The following SOX5 variants were observed in gnomAD, a reference collection of about 807,000 sequenced individuals.
SOX5 encodes the protein transcription factor SOX-5.
In SOX5, 9 loss-of-function variants were observed where a neutral mutation model predicts 92.0. That is an observed-to-expected ratio of 0.10 (90% CI 0.06 to 0.17). The LOEUF (loss-of-function observed/expected upper bound fraction) is 0.17, where lower values mean the gene tolerates loss of function less well. Among genes scored for constraint, SOX5 ranks in the 10% least tolerant of loss-of-function variants. The pLI is 1.00. For missense variants in SOX5, 642 were observed against 944.5 expected (o/e 0.68, Z 4.20); for synonymous variants, 344 against 336.3 (o/e 1.02, Z -0.25).
intron 1 of SOX5, among the ~76,000 whole-genome samples, chr12:24,556,159 G>A (rs546006101): frequency 4.0e-4 from 61 of 152,186 alleles, no homozygotes; most frequent in African/African-American, 1.1e-3. Flanking sequence ...AGGCTCTCCC[G>A]GCCTTGTCCT....
At chr12:24,469,630 A>G (rs985643135) in intron 1 of SOX5, among the ~76,000 whole-genome samples, 1 of 152,228 alleles carries the variant, frequency 6.6e-6, no homozygotes, top group African/African-American at 2.4e-5. Flanking sequence ...CAAAACAAAA[A>G]TCCCCAGATA....
chr12:24,454,948 T>G (rs1308844227), intron 1 of SOX5, among the ~76,000 whole-genome samples: 3 of 152,046 alleles, frequency 2.0e-5, no homozygotes, highest in African/African-American at 7.3e-5. Context: ...GAAAAAAAGA[T>G]GATTATATGC....
intron 5 of SOX5, among the ~76,000 whole-genome samples, chr12:23,736,799 A>G (rs1487419904): frequency 6.7e-6 from 1 of 149,390 alleles, no homozygotes; most frequent in African/African-American, 2.5e-5. Context: ...CAAATGATTC[A>G]TCTGCCTCAG....
At chr12:24,018,779 CAGAGTA>C (rs1290479110) in intron 4 of SOX5, among the ~76,000 whole-genome samples, 1 of 151,968 alleles carries the variant, frequency 6.6e-6, no homozygotes, top group African/African-American at 2.4e-5. Flanking sequence ...GCCTGGGCAA[CAGAGTA>C]AGACTCTGTC....
At chr12:23,834,583 G>A (rs2096383356) in intron 3 of SOX5, among the ~76,000 whole-genome samples, 1 of 151,838 alleles carries the variant, frequency 6.6e-6, no homozygotes, top group African/African-American at 2.4e-5. Flanking sequence ...GGCAGCAAGA[G>A]GGCAACACTG....
At chr12:24,460,351 G>A (rs1354076049) in intron 1 of SOX5, among the ~76,000 whole-genome samples, 1 of 152,172 alleles carries the variant, frequency 6.6e-6, no homozygotes, top group Non-Finnish European at 1.5e-5. Flanking sequence ...ATGTCCAATT[G>A]AATATGATAG....
At chr12:23,747,753 C>T (rs181957648) in intron 4 of SOX5, among the ~76,000 whole-genome samples, 37 of 152,094 alleles carry the variant, frequency 2.4e-4, no homozygotes, top group African/African-American at 5.3e-4. Flanking sequence ...TATAATGCCC[C>T]GAAATGCCTC....
intron 3 of SOX5, among the ~76,000 whole-genome samples, chr12:24,264,964 T>C (rs1253536151): frequency 6.6e-6 from 1 of 152,176 alleles, no homozygotes; most frequent in Non-Finnish European, 1.5e-5. Context: ...CAAAAGTTGA[T>C]ACAACAGGAA....
At chr12:24,160,065 T>C (rs976272552) in intron 4 of SOX5, among the ~76,000 whole-genome samples, 9 of 151,092 alleles carry the variant, frequency 6.0e-5, no homozygotes, top group African/African-American at 9.7e-5. Context: ...CCTCGAACAA[T>C]AGAAAAAAAA....
chr12:24,233,116 T>C (rs1397596131), intron 3 of SOX5, among the ~76,000 whole-genome samples: 3 of 152,156 alleles, frequency 2.0e-5, no homozygotes, highest in African/African-American at 7.2e-5. Context: ...TTCCCTCTTA[T>C]GCCTAACTTC....
At chr12:23,936,409 AG>A (rs1462129116) in intron 1 of SOX5, among the ~76,000 whole-genome samples, 1 of 151,018 alleles carries the variant, frequency 6.6e-6, no homozygotes, top group Non-Finnish European at 1.5e-5. Flanking sequence ...ACTCCATGGA[AG>A]TTTGAAGAAA....
intron 3 of SOX5, among the ~76,000 whole-genome samples, chr12:24,249,632 G>A (rs970265452): frequency 3.9e-5 from 6 of 152,038 alleles, no homozygotes; most frequent in Non-Finnish European, 8.8e-5. Flanking sequence ...GTTCACATAC[G>A]TTGCCTCACA....
chr12:23,853,641 A>G (rs1291568717), intron 2 of SOX5, among the ~76,000 whole-genome samples: 1 of 151,744 alleles, frequency 6.6e-6, no homozygotes, highest in East Asian at 1.9e-4. Flanking sequence ...TGCTGCATTC[A>G]AGAATAAAAT....
In SOX5 at chr12:23,997,672, T is replaced by G. The variant is rs1418762768; in HGVS notation, c.-1-101648A>C. Among the ~76,000 whole-genome samples the G allele has an allele frequency of 3.9e-5, 6 of 152,302 alleles. No individual in the cohort carries two copies. The South Asian group carries it at 1.0e-3, about 26-fold the overall frequency. On this transcript the variant is annotated intron_variant, in intron 4 of 4. Transcript: ENST00000446891. ...TAAACTATCTGAACTTTCAATGTGTTTCTCAATGAAACGCTGATCCATCAG... is the reference window on the plus strand; with the variant it reads ...TAAACTATCTGAACTTTCAATGTGTGTCTCAATGAAACGCTGATCCATCAG...
chr12:24,180,426 C>A (rs899910055), intron 4 of SOX5, among the ~76,000 whole-genome samples: 1 of 152,106 alleles, frequency 6.6e-6, no homozygotes, highest in Non-Finnish European at 1.5e-5. Context: ...ATGAATTAGT[C>A]CCCAGAATCC....
chr12:23,544,560 A>C (rs1309046981), intron 12 of SOX5, among the ~76,000 whole-genome samples: 1 of 152,146 alleles, frequency 6.6e-6, no homozygotes, highest in Non-Finnish European at 1.5e-5. Flanking sequence ...AAACTTGAAG[A>C]CCTCTATAGC....
chr12:24,474,364 T>C (rs1945124750), intron 1 of SOX5, among the ~76,000 whole-genome samples: 1 of 152,184 alleles, frequency 6.6e-6, no homozygotes, highest in African/African-American at 2.4e-5. Context: ...TGATTGTCTG[T>C]ATTTGGTGCC....
At chr12:24,256,448 G>A (rs1026672907) in intron 3 of SOX5, among the ~76,000 whole-genome samples, 4 of 152,168 alleles carry the variant, frequency 2.6e-5, no homozygotes, top group African/African-American at 9.7e-5. Context: ...CTTTGATATG[G>A]AAATCCCACT....
At chr12:24,408,030 A>G (rs897312297) in intron 1 of SOX5, among the ~76,000 whole-genome samples, 3 of 152,168 alleles carry the variant, frequency 2.0e-5, no homozygotes, top group African/African-American at 7.2e-5. Context: ...ATGTTTGAGC[A>G]GAGATCTCGA....
Sources: allele counts gnomAD v4.1 joint callset (sites outside exome capture counted in the v4.1 genomes callset), GRCh38; gene constraint gnomAD v4.1.1; transcripts MANE v1.5; gene names NCBI Gene and HGNC (gene_info 2026-07-23, HGNC 2026-07-21).